Variants in CLASP1 observed in about 807,000 individuals in gnomAD.
CLASP1 encodes cytoplasmic linker associated protein 1, also known as CLIP-associating protein 1.
CLASP1 carries 38 observed loss-of-function variants against 192.3 expected under a neutral mutation model. The ratio of observed to expected loss-of-function variants is 0.20; its 90% CI spans 0.15 to 0.26. CLASP1 has a LOEUF of 0.26. Ranked by LOEUF, CLASP1 falls within the 10% of genes least tolerant of loss-of-function variation. The probability of loss-of-function intolerance (pLI) is 1.00; values close to 1 mark genes in which losing one functional copy is unlikely to be tolerated. For missense variants in CLASP1, 1,433 were observed against 1,932.5 expected (o/e 0.74, Z 4.85); for synonymous variants, 691 against 712.8 (o/e 0.97, Z 0.49).
intron 2 of CLASP1, among the ~76,000 whole-genome samples, chr2:121,556,847 A>G (rs940371238): frequency 1.3e-5 from 2 of 152,192 alleles, no homozygotes; most frequent in Non-Finnish European, 2.9e-5. Context: ...CTTGCTGCTA[A>G]AAAGTTATAC....
At chr2:121,388,464 G>A (rs572691315) in intron 30 of CLASP1, among the ~76,000 whole-genome samples, 1 of 152,180 alleles carries the variant, frequency 6.6e-6, no homozygotes, top group Admixed American at 6.5e-5. Flanking sequence ...TTTCGAAGGA[G>A]TCTACGTTAA....
chr2:121,381,331 C>T (rs1055617946), intron 33 of CLASP1, among the ~76,000 whole-genome samples: 3 of 151,390 alleles, frequency 2.0e-5, no homozygotes, highest in Non-Finnish European at 4.4e-5. Flanking sequence ...CTTTTCCTAT[C>T]ACACCCTCTA....
At chr2:121,419,832 T>C (rs1264358913) in intron 22 of CLASP1, among the ~76,000 whole-genome samples, 1 of 152,118 alleles carries the variant, frequency 6.6e-6, no homozygotes, top group East Asian at 1.9e-4. Flanking sequence ...CCTGAGAGGA[T>C]GGACTGGAAA....
chr2:121,563,315 A>C (rs1413095584), intron 2 of CLASP1, among the ~76,000 whole-genome samples: 1 of 152,200 alleles, frequency 6.6e-6, no homozygotes, highest in East Asian at 1.9e-4. Flanking sequence ...AGTCTACATC[A>C]CATTGAAAAA....
intron 37 of CLASP1, among the ~76,000 whole-genome samples, chr2:121,350,823 G>A (rs533502606): frequency 1.3e-5 from 2 of 152,298 alleles, no homozygotes; most frequent in East Asian, 3.9e-4. Flanking sequence ...AAGGGTTAAC[G>A]CTCTTTCTCT....
At chr2:121,530,894 TG>T (rs761483970) in intron 2 of CLASP1, 5 of 694,140 alleles carry the variant, frequency 7.2e-6, no homozygotes, top group South Asian at 4.5e-5. Flanking sequence ...ATCCTTTTCT[TG>T]GGGTTGCGCT....
intron 19 of CLASP1, among the ~76,000 whole-genome samples, chr2:121,436,190 C>G (rs1230839337): frequency 1.3e-5 from 2 of 152,040 alleles, no homozygotes; most frequent in African/African-American, 4.8e-5. Context: ...TACCACCACG[C>G]CTGGCTAGTT....
At chr2:121,625,623 C>T (rs566397864) in intron 1 of CLASP1, among the ~76,000 whole-genome samples, 2 of 151,574 alleles carry the variant, frequency 1.3e-5, no homozygotes, top group South Asian at 4.2e-4. Context: ...TTAGAAGAGA[C>T]GGGTTTCACC....
chr2:121,481,086 A>C (rs1275422719), intron 8 of CLASP1, among the ~76,000 whole-genome samples: 1 of 152,238 alleles, frequency 6.6e-6, no homozygotes, highest in Non-Finnish European at 1.5e-5. Flanking sequence ...GGCAACCCAA[A>C]GCATCTCTGT....
intron 1 of CLASP1, among the ~76,000 whole-genome samples, chr2:121,617,000 A>C (rs2066583347): frequency 6.6e-6 from 1 of 152,250 alleles, no homozygotes. Flanking sequence ...TGCTGTAGGT[A>C]GAAGAGGAAG....
At chr2:121,461,115 G>T in exon 11 of CLASP1, 1 of 1,599,026 alleles carries the variant, frequency 6.3e-7, no homozygotes, top group Non-Finnish European at 8.5e-7. Context: ...TTTACTCTCT[G>T]CTCCCAATCA....
chr2:121,591,709 C>T (rs2062424453), intron 2 of CLASP1, among the ~76,000 whole-genome samples: 1 of 152,188 alleles, frequency 6.6e-6, no homozygotes, highest in African/African-American at 2.4e-5. Flanking sequence ...GCCGGCTGGG[C>T]TATCTCTTGT....
At chr2:121,436,883 G>C (rs115137647) in intron 19 of CLASP1, among the ~76,000 whole-genome samples, 4 of 152,096 alleles carry the variant, frequency 2.6e-5, no homozygotes, top group African/African-American at 7.2e-5. Flanking sequence ...CTACAGTCTG[G>C]ATAAGTTCTT....
In CLASP1 at chr2:121,502,809, G is replaced by A. The variant is rs187409941; in HGVS notation, c.712+358C>T. 2.1e-3 allele frequency among the ~76,000 whole-genome samples: 313 copies of A among 152,238 alleles called. 1 individual carries two copies. The highest frequency in any genetic ancestry group is 7.1e-3 in the African/African-American group (294 of 41,534). ...TATATGAAAAACAGACTTTAGGCAT[G>A]GGGAAACAGTAGAAGAAAAGATACT... On this transcript the variant is annotated intron_variant, in intron 8 of 39. Transcript: ENST00000263710.
At chr2:121,528,058 G>A (rs962866727) in intron 4 of CLASP1, among the ~76,000 whole-genome samples, 168 bp from the exon 5 acceptor site, 2 of 152,200 alleles carry the variant, frequency 1.3e-5, no homozygotes, top group Admixed American at 6.5e-5. Flanking sequence ...CATCTATCAT[G>A]TTATCAAGTA....
chr2:121,464,082 G>A (rs2088828592), intron 9 of CLASP1, among the ~76,000 whole-genome samples: 1 of 146,498 alleles, frequency 6.8e-6, no homozygotes, highest in Admixed American at 7.2e-5. Context: ...ACCTATGAGT[G>A]AGCATATGCG....
At chr2:121,457,494 C>G (rs2086949343) in intron 14 of CLASP1, among the ~76,000 whole-genome samples, 193 bp downstream of exon 14, 1 of 149,468 alleles carries the variant, frequency 6.7e-6, no homozygotes, top group South Asian at 2.1e-4. Flanking sequence ...CACACAGAAA[C>G]ATAATAGAGG....
intron 2 of CLASP1, among the ~76,000 whole-genome samples, chr2:121,601,173 T>C (rs1343296897): frequency 6.6e-6 from 1 of 152,120 alleles, no homozygotes; most frequent in African/African-American, 2.4e-5. Flanking sequence ...GAAAAAGTGG[T>C]GGAGTTGTGA....
chr2:121,611,204 A>C (rs1463894226), intron 1 of CLASP1, among the ~76,000 whole-genome samples: 246 of 133,014 alleles, frequency 1.8e-3, no homozygotes, highest in African/African-American at 7.0e-3. Flanking sequence ...GAGGAGGAGG[A>C]GGTGGAGGAG....
Sources: allele counts gnomAD v4.1 joint callset (sites outside exome capture counted in the v4.1 genomes callset), GRCh38; gene constraint gnomAD v4.1.1; transcripts MANE v1.5; gene names NCBI Gene and HGNC (gene_info 2026-07-23, HGNC 2026-07-21).